The following DAB1 variants were observed in gnomAD, a reference collection of about 807,000 sequenced individuals.
The protein encoded by DAB1 is disabled homolog 1.
In DAB1, 15 loss-of-function variants were observed where a neutral mutation model predicts 64.6. The observed-to-expected ratio is 0.23, with a 90% CI of 0.16 to 0.36. DAB1 has a LOEUF of 0.36. Ranked by LOEUF, DAB1 falls within the 10% of genes least tolerant of loss-of-function variation. DAB1 has a pLI of 1.00. For synonymous variants in DAB1, 235 were observed against 251.9 expected, an observed-to-expected ratio of 0.93 and a Z score of 0.64; for missense variants, 596 against 706.7, an observed-to-expected ratio of 0.84 and a Z score of 1.78.
chr1:57,332,610 T>C (rs1184148752), intron 1 of DAB1, among the ~76,000 whole-genome samples: 1 of 152,206 alleles, frequency 6.6e-6, no homozygotes, highest in East Asian at 1.9e-4. Flanking sequence ...ACTCCACTTT[T>C]ATACAGATAA....
intron 7 of DAB1, among the ~76,000 whole-genome samples, chr1:57,479,784 T>C (rs895046058): frequency 6.6e-6 from 1 of 152,154 alleles, no homozygotes; most frequent in East Asian, 1.9e-4. Context: ...ATGGTGTCTC[T>C]AGCATGGCAG....
intron 7 of DAB1, among the ~76,000 whole-genome samples, chr1:57,516,785 G>C (rs922534827): frequency 1.3e-5 from 2 of 152,144 alleles, no homozygotes; most frequent in Non-Finnish European, 2.9e-5. Context: ...TCATTGAATA[G>C]TTTTTACCAG....
chr1:58,498,226 G>A (rs910246535), intron 3 of DAB1, among the ~76,000 whole-genome samples: 12 of 151,286 alleles, frequency 7.9e-5, no homozygotes, highest in African/African-American at 2.9e-4. Context: ...TTATAATAAT[G>A]GTAAAACTAA....
intron 5 of DAB1, among the ~76,000 whole-genome samples, chr1:58,082,263 T>C (rs1009611931): frequency 4.6e-5 from 7 of 152,166 alleles, no homozygotes; most frequent in Non-Finnish European, 8.8e-5. Context: ...TTTGAGTCAG[T>C]GATCTCGTTG....
At chr1:58,143,438 A>G (rs11576411) in intron 5 of DAB1, among the ~76,000 whole-genome samples, 118 of 152,174 alleles carry the variant, frequency 7.8e-4, no homozygotes, top group Non-Finnish European at 1.4e-3. Flanking sequence ...AAATCAGCTG[A>G]TAACTGCCAT....
chr1:57,571,487 AC>A (rs1645193550), intron 7 of DAB1, among the ~76,000 whole-genome samples: 1 of 152,208 alleles, frequency 6.6e-6, no homozygotes, highest in African/African-American at 2.4e-5. Flanking sequence ...GGGTAAGAAT[AC>A]ATGGACATGG....
intron 5 of DAB1, among the ~76,000 whole-genome samples, chr1:58,031,248 T>C (rs1480213242): frequency 6.6e-6 from 1 of 152,142 alleles, no homozygotes; most frequent in Non-Finnish European, 1.5e-5. Flanking sequence ...GGAGGCTGAA[T>C]GGAAGCATGG....
At chr1:57,704,169 A>G (rs1018420984) in intron 6 of DAB1, among the ~76,000 whole-genome samples, 3 of 152,210 alleles carry the variant, frequency 2.0e-5, no homozygotes, top group Non-Finnish European at 4.4e-5. Context: ...AAACCTGTAC[A>G]TGTACTCCTG....
intron 5 of DAB1, among the ~76,000 whole-genome samples, chr1:57,894,053 T>C (rs766399148): frequency 6.6e-6 from 1 of 152,134 alleles, no homozygotes; most frequent in Non-Finnish European, 1.5e-5. Flanking sequence ...CCACTGTGCA[T>C]GTGGGCAGCC....
At chr1:57,396,454 G>T (rs1299441542) in intron 1 of DAB1, among the ~76,000 whole-genome samples, 1 of 151,958 alleles carries the variant, frequency 6.6e-6, no homozygotes, top group African/African-American at 2.4e-5. Context: ...CACATTTGGG[G>T]GAAAAAACAC....
At chr1:57,891,461 A>G (rs1644313029) in intron 5 of DAB1, among the ~76,000 whole-genome samples, 1 of 152,194 alleles carries the variant, frequency 6.6e-6, no homozygotes, top group African/African-American at 2.4e-5. Context: ...GATTGCTCAA[A>G]GATCTAAAAC....
chr1:57,541,016 G>A (rs538674275), intron 7 of DAB1, among the ~76,000 whole-genome samples: 19 of 152,206 alleles, frequency 1.2e-4, no homozygotes, highest in Admixed American at 7.2e-4. Context: ...TGCTCGAGGC[G>A]ATGGAGATCC....
intron 2 of DAB1, among the ~76,000 whole-genome samples, chr1:57,147,671 C>T (rs1279376040): frequency 6.6e-6 from 1 of 152,162 alleles, no homozygotes; most frequent in Non-Finnish European, 1.5e-5. Context: ...ACATATGACA[C>T]TATTTCAGTC....
intron 6 of DAB1, among the ~76,000 whole-genome samples, chr1:57,776,274 T>G (rs1204669534): frequency 7.5e-6 from 1 of 132,626 alleles, no homozygotes; most frequent in Non-Finnish European, 1.6e-5. Flanking sequence ...ATAAATATAG[T>G]GCAAATATTC....
chr1:57,265,660 A>T (rs1316968612), intron 2 of DAB1, among the ~76,000 whole-genome samples: 1 of 152,196 alleles, frequency 6.6e-6, no homozygotes, highest in Non-Finnish European at 1.5e-5. Context: ...TTCTCATTGT[A>T]GATTAATTTT....
chr1:57,687,322 C>T (rs1300617033), intron 6 of DAB1, among the ~76,000 whole-genome samples: 2 of 151,908 alleles, frequency 1.3e-5, no homozygotes, highest in East Asian at 3.9e-4. Flanking sequence ...ACTAGGAATA[C>T]AACTAACCAA....
intron 6 of DAB1, among the ~76,000 whole-genome samples, chr1:57,792,295 CT>C (rs1650639564): frequency 6.6e-6 from 1 of 152,208 alleles, no homozygotes; most frequent in African/African-American, 2.4e-5. Context: ...TTTATTTCCC[CT>C]TGTTCTCATC....
At chr1:57,944,677 T>C (rs1645157662) in intron 5 of DAB1, among the ~76,000 whole-genome samples, 1 of 152,188 alleles carries the variant, frequency 6.6e-6, no homozygotes, top group Admixed American at 6.5e-5. Context: ...GATTTGTAAG[T>C]GTCTAATAGT....
intron 7 of DAB1, among the ~76,000 whole-genome samples, chr1:57,646,922 G>C (rs985508689): frequency 6.6e-6 from 1 of 152,176 alleles, no homozygotes; most frequent in Non-Finnish European, 1.5e-5. Flanking sequence ...TCATCACTGA[G>C]GTCCAGCTCA....
Sources: allele counts gnomAD v4.1 joint callset (sites outside exome capture counted in the v4.1 genomes callset), GRCh38; gene constraint gnomAD v4.1.1; transcripts MANE v1.5; gene names NCBI Gene and HGNC (gene_info 2026-07-23, HGNC 2026-07-21).